Variants in FSTL5 observed in about 807,000 individuals in gnomAD.
The protein encoded by FSTL5 is follistatin-related protein 5.
FSTL5 carries 62 observed loss-of-function variants against 89.1 expected under a neutral mutation model. The observed-to-expected ratio is 0.70, with a 90% CI of 0.57 to 0.86. The LOEUF (loss-of-function observed/expected upper bound fraction) is 0.86, where lower values mean the gene tolerates loss of function less well. FSTL5 is among the 40% of genes least tolerant of loss of function. The probability of loss-of-function intolerance (pLI) is 0.00; values close to 1 mark genes in which losing one functional copy is unlikely to be tolerated. For missense variants in FSTL5, 1,057 were observed against 1,001.6 expected (o/e 1.06, Z -0.75); for synonymous variants, 383 against 346.2 (o/e 1.11, Z -1.18).
At chr4:161,608,662 A>G (rs1734538380) in intron 7 of FSTL5, among the ~76,000 whole-genome samples, 1 of 152,120 alleles carries the variant, frequency 6.6e-6, no homozygotes, top group South Asian at 2.1e-4. Flanking sequence ...GAGTAAATGC[A>G]GTATAATTTA....
chr4:161,405,157 C>T lies in FSTL5; in HGVS notation c.1842-18708G>A, dbSNP rs376588728. Among the ~76,000 whole-genome samples, 12 of 151,586 alleles carry T rather than the reference C, an allele frequency of 7.9e-5. No individual in the cohort carries two copies. The East Asian group carries it at 1.6e-3, about 20-fold the overall frequency. On this transcript the variant is annotated intron_variant, in intron 15 of 15. Transcript: ENST00000306100. ...CTGAGGCAGGAGAATTGCTTGAACCCGGGAGGCAGAAGTTGCAGTGAGCCG... is the reference window on the plus strand; with the variant it reads ...CTGAGGCAGGAGAATTGCTTGAACCTGGGAGGCAGAAGTTGCAGTGAGCCG...
At chr4:161,813,937 C>T (rs966030922) in intron 4 of FSTL5, among the ~76,000 whole-genome samples, 4 of 150,988 alleles carry the variant, frequency 2.6e-5, no homozygotes, top group Non-Finnish European at 5.9e-5. Context: ...ATTTTATAAA[C>T]ATAATCAATA....
At chr4:161,549,587 T>C (rs112356873) in intron 8 of FSTL5, among the ~76,000 whole-genome samples, 1 of 151,912 alleles carries the variant, frequency 6.6e-6, no homozygotes, top group East Asian at 2.0e-4. Flanking sequence ...CATGAGAGTA[T>C]ATGTAACATA....
chr4:161,404,350 T>A (rs1731284534), intron 15 of FSTL5, among the ~76,000 whole-genome samples: 1 of 152,156 alleles, frequency 6.6e-6, no homozygotes, highest in African/African-American at 2.4e-5. Context: ...GCTTTGAGAA[T>A]TCTTAATGTA....
intron 5 of FSTL5, among the ~76,000 whole-genome samples, chr4:161,761,106 C>G (rs754643844): frequency 4.6e-5 from 7 of 152,054 alleles, no homozygotes; most frequent in African/African-American, 1.7e-4. Context: ...TTATTTGTTA[C>G]CTTGAGGAAG....
chr4:162,079,666 C>G (rs1730010303), intron 2 of FSTL5, among the ~76,000 whole-genome samples: 1 of 151,258 alleles, frequency 6.6e-6, no homozygotes, highest in Non-Finnish European at 1.5e-5. Context: ...CTTCAAAGTA[C>G]TTTAGTTTGC....
intron 6 of FSTL5, among the ~76,000 whole-genome samples, chr4:161,666,332 G>A (rs967272580): frequency 7.9e-5 from 12 of 152,206 alleles, no homozygotes; most frequent in African/African-American, 2.9e-4. Context: ...TTAGGAAAAT[G>A]AAAATTTAAG....
chr4:161,916,294 A>T (rs1260599307), intron 4 of FSTL5, among the ~76,000 whole-genome samples: 1 of 152,108 alleles, frequency 6.6e-6, no homozygotes. Context: ...ATCCCTTTTC[A>T]TTTTGGCATA....
At chr4:161,503,385 A>G (rs10019764) in intron 11 of FSTL5, among the ~76,000 whole-genome samples, 3,873 of 151,954 alleles carry the variant, frequency 0.025, 159 homozygotes, top group African/African-American at 0.088. Flanking sequence ...TTAATTTTCT[A>G]TGATATAAAA....
At chr4:161,767,831 T>C (rs1013489041) in intron 5 of FSTL5, among the ~76,000 whole-genome samples, 4 of 151,930 alleles carry the variant, frequency 2.6e-5, no homozygotes, top group Non-Finnish European at 5.9e-5. Context: ...CCACTCAGAA[T>C]TAAAGAATCA....
At chr4:161,434,817 T>G (rs768631729) in intron 15 of FSTL5, among the ~76,000 whole-genome samples, 2 of 151,616 alleles carry the variant, frequency 1.3e-5, no homozygotes, top group Non-Finnish European at 2.9e-5. Flanking sequence ...CAAACAGGAG[T>G]ATAACAGGTG....
At chr4:161,991,639 G>A (rs1019836587) in intron 3 of FSTL5, among the ~76,000 whole-genome samples, 1 of 152,142 alleles carries the variant, frequency 6.6e-6, no homozygotes, top group Non-Finnish European at 1.5e-5. Context: ...TGCAAAGCCC[G>A]TGTATGCAGA....
chr4:161,490,380 T>C (rs1729825518), intron 12 of FSTL5, among the ~76,000 whole-genome samples: 1 of 152,132 alleles, frequency 6.6e-6, no homozygotes, highest in Non-Finnish European at 1.5e-5. Context: ...CAGGTTTTAT[T>C]AATTACTTTT....
chr4:161,514,906 G>A (rs1374710164), intron 10 of FSTL5, among the ~76,000 whole-genome samples: 3 of 151,796 alleles, frequency 2.0e-5, no homozygotes, highest in African/African-American at 4.8e-5. Flanking sequence ...AATTTTGTTT[G>A]CAATAGCTTA....
intron 8 of FSTL5, among the ~76,000 whole-genome samples, chr4:161,568,334 TA>T (rs1255106931): frequency 6.6e-6 from 1 of 152,166 alleles, no homozygotes; most frequent in African/African-American, 2.4e-5. Flanking sequence ...TTACAAAGAA[TA>T]AAGTGCAGTT....
chr4:161,932,645 T>A (rs1440625045), intron 3 of FSTL5, among the ~76,000 whole-genome samples: 18 of 152,078 alleles, frequency 1.2e-4, no homozygotes, highest in Non-Finnish European at 2.1e-4. Context: ...TATAGCTCTA[T>A]AACTTTTGTT....
chr4:162,041,047 A>G (rs1472139743), intron 2 of FSTL5, among the ~76,000 whole-genome samples: 1 of 152,038 alleles, frequency 6.6e-6, no homozygotes, highest in Non-Finnish European at 1.5e-5. Context: ...ACACACACAG[A>G]TATATGCCAT....
At chr4:161,966,954 A>C (rs1180397512) in intron 3 of FSTL5, among the ~76,000 whole-genome samples, 4 of 151,898 alleles carry the variant, frequency 2.6e-5, no homozygotes, top group East Asian at 1.9e-4. Context: ...TACAAAAAAA[A>C]CCTCAATCTT....
chr4:161,478,010 A>G (rs1729354573), intron 13 of FSTL5, among the ~76,000 whole-genome samples: 1 of 152,070 alleles, frequency 6.6e-6, no homozygotes, highest in African/African-American at 2.4e-5. Context: ...TTGGAAAATG[A>G]TGCACCTTGG....
Sources: allele counts gnomAD v4.1 joint callset (sites outside exome capture counted in the v4.1 genomes callset), GRCh38; gene constraint gnomAD v4.1.1; transcripts MANE v1.5; gene names NCBI Gene and HGNC (gene_info 2026-07-23, HGNC 2026-07-21).